The following CAST variants were observed in gnomAD, a reference collection of about 807,000 sequenced individuals.
CAST encodes the protein MIR583 host.
Under a neutral mutation model 119.6 loss-of-function variants are expected in CAST, and 76 were observed. The ratio of observed to expected loss-of-function variants is 0.64; its 90% CI spans 0.53 to 0.77. The LOEUF is 0.77. Among genes scored for constraint, CAST ranks in the 30% least tolerant of loss-of-function variants. The probability of loss-of-function intolerance (pLI) is 0.00; values close to 1 mark genes in which losing one functional copy is unlikely to be tolerated. For missense variants in CAST, 953 were observed against 946.5 expected (o/e 1.01, Z -0.09); for synonymous variants, 319 against 331.6 (o/e 0.96, Z 0.41).
chr5:95,988,313 A>G, the CAST span, among the ~76,000 whole-genome samples: 1 of 152,020 alleles, frequency 6.6e-6, no homozygotes, highest in African/African-American at 2.4e-5. Flanking sequence ...TGGAACATTA[A>G]CTTCTTTCTG....
At chr5:96,494,945 G>A in the CAST span, among the ~76,000 whole-genome samples, 3 of 151,924 alleles carry the variant, frequency 2.0e-5, no homozygotes, top group East Asian at 1.9e-4. Context: ...GTGAAACCCC[G>A]TCTCTACTAA....
intron 1 of CAST, chr5:96,546,590 C>G (rs1746021435): frequency 6.6e-6 from 1 of 151,906 alleles, no homozygotes; most frequent in South Asian, 2.1e-4. Context: ...TACAGGTATT[C>G]TCTGTGACTT....
At chr5:96,423,950 T>A in the CAST span, among the ~76,000 whole-genome samples, 2 of 152,214 alleles carry the variant, frequency 1.3e-5, no homozygotes, top group Non-Finnish European at 1.5e-5. Context: ...CAGGAGACTG[T>A]GATTGCCTCA....
At chr5:96,754,809 A>G in intron 22 of CAST, 68 bp downstream of exon 22, 1 of 887,404 alleles carries the variant, frequency 1.1e-6, no homozygotes, top group Non-Finnish European at 1.9e-6. Context: ...GAACAAAGGT[A>G]CTTGGGAACA....
At chr5:96,412,689 C>CT in the CAST span, among the ~76,000 whole-genome samples, 2 of 146,960 alleles carry the variant, frequency 1.4e-5, no homozygotes, top group Admixed American at 6.8e-5. Context: ...CCCCCATAAG[C>CT]TTTTTTGTCG....
At chr5:96,666,275 C>CACACACACAT (rs1749325315) in intron 1 of CAST, among the ~76,000 whole-genome samples, 1 of 152,002 alleles carries the variant, frequency 6.6e-6, no homozygotes, top group African/African-American at 2.4e-5. Flanking sequence ...CACACACACA[C>CACACACACAT]ACACCACACA....
chr5:96,762,411 C>T (rs755550439), intron 25 of CAST, 39 bp downstream of exon 25: 24 of 1,425,026 alleles, frequency 1.7e-5, no homozygotes, highest in South Asian at 1.5e-4. Context: ...AATGTTTTTG[C>T]GCAGCCACAA....
the CAST span, among the ~76,000 whole-genome samples, chr5:96,038,912 G>T: frequency 6.6e-6 from 1 of 152,092 alleles, no homozygotes; most frequent in Non-Finnish European, 1.5e-5. Flanking sequence ...GGGTCAAATG[G>T]TATTTCTAGT....
At chr5:96,288,804 G>A in the CAST span, among the ~76,000 whole-genome samples, 1 of 151,966 alleles carries the variant, frequency 6.6e-6, no homozygotes, top group African/African-American at 2.4e-5. Flanking sequence ...AAAGACCTTT[G>A]GCACAGTACA....
chr5:96,305,717 G>T, the CAST span, among the ~76,000 whole-genome samples: 1 of 152,084 alleles, frequency 6.6e-6, no homozygotes, highest in Non-Finnish European at 1.5e-5. Context: ...TAATCCTGTG[G>T]TTTTTGTCAT....
chr5:96,492,902 C>T, the CAST span, among the ~76,000 whole-genome samples: 7 of 152,114 alleles, frequency 4.6e-5, no homozygotes, highest in East Asian at 1.9e-4. Context: ...AATCAAATGA[C>T]GCAGGTTAGA....
At chr5:96,508,494 A>C in the CAST span, among the ~76,000 whole-genome samples, 21 of 152,294 alleles carry the variant, frequency 1.4e-4, no homozygotes, top group Non-Finnish European at 1.3e-4. Flanking sequence ...CACACTTTAA[A>C]ATTTGAGACA....
chr5:96,111,643 T>A, the CAST span, among the ~76,000 whole-genome samples: 1 of 152,154 alleles, frequency 6.6e-6, no homozygotes. Context: ...AAGTTGCTAG[T>A]GTTTTAGAAG....
intron 1 of CAST, among the ~76,000 whole-genome samples, chr5:96,645,153 T>A (rs562878402): frequency 6.6e-6 from 1 of 152,346 alleles, no homozygotes; most frequent in Admixed American, 6.5e-5. Context: ...TCCTTGTTTT[T>A]CATGCCCTTG....
chr5:96,457,056 G>A, the CAST span, among the ~76,000 whole-genome samples: 6 of 152,132 alleles, frequency 3.9e-5, no homozygotes, highest in African/African-American at 1.4e-4. Flanking sequence ...CCAGTCTCGA[G>A]TATGTCTTTA....
chr5:96,322,937 G>A, the CAST span, among the ~76,000 whole-genome samples: 2 of 152,130 alleles, frequency 1.3e-5, no homozygotes, highest in Non-Finnish European at 1.5e-5. Context: ...AGGAGAAAGG[G>A]ACTCTTCCCT....
the CAST span, chr5:96,394,763 T>C: frequency 1.0e-6 from 1 of 999,436 alleles, no homozygotes; most frequent in Non-Finnish European, 1.6e-6. Context: ...TCCCCATCCA[T>C]GTTTGACTTA....
At chr5:96,241,158 C>T in the CAST span, among the ~76,000 whole-genome samples, 2 of 151,140 alleles carry the variant, frequency 1.3e-5, no homozygotes, top group South Asian at 4.2e-4. Context: ...GTGTGCTGCA[C>T]CCATTAACTC....
the CAST span, among the ~76,000 whole-genome samples, chr5:96,473,392 A>G: frequency 6.6e-6 from 1 of 152,268 alleles, no homozygotes; most frequent in Non-Finnish European, 1.5e-5. Flanking sequence ...GGCAGATAAC[A>G]GAAATCTGAC....
Sources: gnomAD v4.1 joint callset for allele counts (sites outside exome capture counted in the v4.1 genomes callset) on GRCh38, gnomAD v4.1.1 for gene constraint, MANE v1.5 for transcripts, NCBI Gene and HGNC (gene_info 2026-07-23, HGNC 2026-07-21) for gene names.